The following OCM2 variants were observed in gnomAD, a reference collection of about 807,000 sequenced individuals.
OCM2 encodes the protein oncomodulin 2.
In OCM2, 6 loss-of-function variants were observed where a neutral mutation model predicts 13.6. The ratio of observed to expected loss-of-function variants is 0.44; its 90% CI spans 0.24 to 0.87. OCM2 has a LOEUF of 0.87. OCM2 is among the 40% of genes least tolerant of loss of function. OCM2 has a pLI of 0.22. For synonymous variants in OCM2, 40 were observed against 50.7 expected, an observed-to-expected ratio of 0.79 and a Z score of 0.90; for missense variants, 118 against 136.8, an observed-to-expected ratio of 0.86 and a Z score of 0.68.
At chr7:97,988,386 G>T (rs770491926) in intron 2 of OCM2, 30 bp downstream of exon 2, 1 of 1,613,618 alleles carries the variant, frequency 6.2e-7, no homozygotes, top group South Asian at 1.1e-5. Flanking sequence ...AGCAGTGCCA[G>T]GTACCAGACA....
At chr7:97,985,536 C>T (rs1159050578) in intron 3 of OCM2, among the ~76,000 whole-genome samples, 1 of 151,990 alleles carries the variant, frequency 6.6e-6, no homozygotes, top group African/African-American at 2.4e-5. Context: ...ATTTAACAAA[C>T]ATCTTCAGCT....
At chr7:97,986,524 A>T (rs1794673228) in intron 3 of OCM2, among the ~76,000 whole-genome samples, 1 of 152,102 alleles carries the variant, frequency 6.6e-6, no homozygotes, top group Non-Finnish European at 1.5e-5. Context: ...CCTACGGAAG[A>T]CTCAATAAAT....
chr7:97,987,918 A>G (rs1171280364), intron 2 of OCM2, among the ~76,000 whole-genome samples: 1 of 151,992 alleles, frequency 6.6e-6, no homozygotes, highest in African/African-American at 2.4e-5. Flanking sequence ...GCGGCTGGGC[A>G]CGGTGGCTCA....
At chr7:97,986,353 G>T (rs1433014722) in intron 3 of OCM2, among the ~76,000 whole-genome samples, 1 of 151,776 alleles carries the variant, frequency 6.6e-6, no homozygotes, top group Non-Finnish European at 1.5e-5. Context: ...TAACGTAGCA[G>T]TTTTAAATTT....
exon 1 of OCM2, chr7:97,990,154 G>A (rs770967806): frequency 3.9e-6 from 6 of 1,556,632 alleles, no homozygotes; most frequent in Non-Finnish European, 5.3e-6. Flanking sequence ...CCACAAACAG[G>A]AACGTGCACA....
intron 3 of OCM2, among the ~76,000 whole-genome samples, chr7:97,985,431 A>AAAAAAAAAAG (rs757682710): frequency 1.2e-4 from 16 of 131,538 alleles, no homozygotes; most frequent in East Asian, 9.5e-4. Flanking sequence ...AAAAAAAAAA[A>AAAAAAAAAAG]AAAGAAAGAA....
At chr7:97,988,358 T>A in intron 2 of OCM2, 58 bp downstream of exon 2, 2 of 1,606,644 alleles carry the variant, frequency 1.2e-6, no homozygotes, top group South Asian at 1.1e-5. Flanking sequence ...TGGCCCCCAC[T>A]GCACCCCAGG....
chr7:97,985,017 A>T, intron 3 of OCM2, 34 bp from the exon 4 acceptor site: 1 of 1,614,026 alleles, frequency 6.2e-7, no homozygotes, highest in Non-Finnish European at 8.5e-7. Flanking sequence ...GGGTCAGTGG[A>T]GGTGGCTTCG....
chr7:97,985,402 G>C (rs1386907354), intron 3 of OCM2, among the ~76,000 whole-genome samples: 3 of 129,980 alleles, frequency 2.3e-5, no homozygotes, highest in African/African-American at 8.7e-5. Context: ...CTGGGCGAGA[G>C]AGCCAGACTC....
In OCM2 at chr7:97,987,113, C is replaced by A; in HGVS notation, c.238G>T (p.Glu80Ter). Residue 80 changes from glutamate (E) to a stop codon, truncating the protein, a stop_gained, in exon 3 of 4, where the codon GAG (glutamate) becomes TAG (stop). Transcript: ENST00000257627. LOFTEE classifies it high-confidence loss of function. Reference sequence around the variant, plus strand: ...GCCATCAAGGACTTGGTTTCTGACTCGGTCAGTTCTCTGGCACCACTCTCA... The same window carrying A: ...GCCATCAAGGACTTGGTTTCTGACTAGGTCAGTTCTCTGGCACCACTCTCA... The A allele has an allele frequency of 6.2e-7, 1 of 1,613,868 alleles. No individual in the cohort carries two copies. Among genetic ancestry groups the A allele is most frequent in the Non-Finnish European group, 8.5e-7 (1 of 1,179,892 alleles).
Position 97,986,987 on chromosome 7 carries a change from A to C in OCM2, c.304+60T>G, listed in dbSNP as rs117184836. 10 of 1,608,094 alleles carry C rather than the reference A, an allele frequency of 6.2e-6. No homozygotes were observed. The East Asian group carries it at 2.2e-4, about 36-fold the overall frequency. ...CACATTGGTTTGATCTCACAGCCCAACCCCTCACGGATGCTTCCTGAGCTA... is the reference window on the plus strand; with the variant it reads ...CACATTGGTTTGATCTCACAGCCCACCCCCTCACGGATGCTTCCTGAGCTA... On this transcript the variant is annotated intron_variant, in intron 3 of 3. Coordinates refer to ENST00000257627, the Ensembl canonical transcript of OCM2.
exon 1 of OCM2, chr7:97,990,184 C>T (rs1584172652): frequency 2.3e-6 from 3 of 1,304,072 alleles, no homozygotes; most frequent in Non-Finnish European, 3.3e-6. Context: ...AACACATCTT[C>T]CCAGGCCCAC....
At chr7:97,988,188 C>CAAAA (rs66591146) in intron 2 of OCM2, among the ~76,000 whole-genome samples, 12 of 147,198 alleles carry the variant, frequency 8.2e-5, no homozygotes, top group South Asian at 4.3e-4. Flanking sequence ...GGCCCTGTCT[C>CAAAA]AAAAAAAAAA....
At chr7:97,990,078 A>G (rs1794717080) in exon 1 of OCM2, 20 of 1,611,662 alleles carry the variant, frequency 1.2e-5, no homozygotes, top group Non-Finnish European at 1.7e-5. Context: ...CAATGTCATC[A>G]GCACTGAGCA....
At chr7:97,988,525 T>C in exon 2 of OCM2, 1 of 1,614,230 alleles carries the variant, frequency 6.2e-7, no homozygotes, top group Non-Finnish European at 8.5e-7. Flanking sequence ...TGGAAGAATT[T>C]TTGGGGTTCA....
intron 3 of OCM2, 88 bp downstream of exon 3, chr7:97,986,959 A>G: frequency 1.3e-6 from 2 of 1,580,206 alleles, no homozygotes; most frequent in Admixed American, 1.8e-5. Context: ...GGAGATTTTA[A>G]GCCACATTGG....
At chr7:97,989,223 C>T (rs1235440214) in intron 1 of OCM2, among the ~76,000 whole-genome samples, 3 of 151,758 alleles carry the variant, frequency 2.0e-5, no homozygotes, top group Admixed American at 6.6e-5. Context: ...GAGCACCACA[C>T]CTGGCCCTTC....
chr7:97,988,744 G>A (rs1244029155), intron 1 of OCM2, among the ~76,000 whole-genome samples, 196 bp from the exon 2 acceptor site: 1 of 148,790 alleles, frequency 6.7e-6, no homozygotes, highest in East Asian at 1.9e-4. Flanking sequence ...CTCCGCCCCG[G>A]TCTTCCCTCC....
chr7:97,987,194 G>T (rs780809256), intron 2 of OCM2, 38 bp from the exon 3 acceptor site: 3 of 1,612,120 alleles, frequency 1.9e-6, no homozygotes, highest in East Asian at 4.5e-5. Flanking sequence ...TTTTCAAAAA[G>T]GTCGTGCATC....
Sources: gnomAD v4.1 joint callset for allele counts (sites outside exome capture counted in the v4.1 genomes callset) on GRCh38, gnomAD v4.1.1 for gene constraint, MANE v1.5 for transcripts, NCBI Gene and HGNC (gene_info 2026-07-23, HGNC 2026-07-21) for gene names.